RFWD3: variants seen among roughly 807,000 people sequenced by gnomAD.
RFWD3 encodes the protein E3 ubiquitin-protein ligase RFWD3.
RFWD3 carries 65 observed loss-of-function variants against 87.7 expected under a neutral mutation model. The observed-to-expected ratio is 0.74, with a 90% CI of 0.61 to 0.91. The LOEUF is 0.91. Among genes scored for constraint, RFWD3 ranks in the 40% least tolerant of loss-of-function variants. The probability of loss-of-function intolerance (pLI) is 0.00; values close to 1 mark genes in which losing one functional copy is unlikely to be tolerated. For missense variants in RFWD3, 1,078 were observed against 938.5 expected, an observed-to-expected ratio of 1.15 and a Z score of -1.94; for synonymous variants, 433 against 352.8, an observed-to-expected ratio of 1.23 and a Z score of -2.55.
rs61457427 is a variant in RFWD3, at chr16:74,634,378, T to TTATA, written c.1427-1709_1427-1706dup. 3.1e-3 allele frequency among the ~76,000 whole-genome samples: 455 copies of TTATA among 147,712 alleles called. 1 individual carries two copies. Among genetic ancestry groups the TTATA allele is most frequent in the African/African-American group, 0.01 (402 of 40,108 alleles). The stretch of plus-strand genomic sequence containing the variant: ...TAACATTTATTTTTTACTAAGTACT[T>TTATA]TATATATATATATATATATATTTTG... On this transcript the variant is annotated intron_variant, in intron 8 of 12. Coordinates refer to ENST00000361070, the MANE Select transcript of RFWD3 (RefSeq NM_018124.4).
intron 6 of RFWD3, among the ~76,000 whole-genome samples, chr16:74,641,684 G>A (rs1959659448): frequency 6.6e-6 from 1 of 151,726 alleles, no homozygotes; most frequent in Non-Finnish European, 1.5e-5. Flanking sequence ...CAGCACTTTG[G>A]GAGTCCAAGG....
At chr16:74,641,001 G>GA (rs1363256068) in intron 6 of RFWD3, among the ~76,000 whole-genome samples, 2 of 151,766 alleles carry the variant, frequency 1.3e-5, no homozygotes, top group Non-Finnish European at 2.9e-5. Context: ...TTTTAAACAA[G>GA]AAAAGTTTAA....
At position 74,626,591 on chromosome 16, in the gene RFWD3, C is replaced by T. The variant is rs199873038; in HGVS notation, c.1970-37G>A. 434 of 1,562,368 alleles carry T rather than the reference C, an allele frequency of 2.8e-4. 1 individual carries two copies. The African/African-American group carries it at 4.4e-3, about 16-fold the overall frequency. On this transcript the variant is annotated intron_variant, in intron 11 of 12. Transcript: ENST00000361070. ...AGAAATCAGTGCTGCACCATGGGGA[C>T]GCTACACAAAAAATTAACCAAGTAC...
At chr16:74,633,135 G>A (rs1181180941) in intron 8 of RFWD3, among the ~76,000 whole-genome samples, 1 of 152,050 alleles carries the variant, frequency 6.6e-6, no homozygotes, top group Non-Finnish European at 1.5e-5. Context: ...AAATTAGCCA[G>A]GCGTGGTGGC....
intron 6 of RFWD3, among the ~76,000 whole-genome samples, chr16:74,640,808 G>A (rs887598284): frequency 2.0e-5 from 3 of 151,810 alleles, no homozygotes; most frequent in Admixed American, 6.6e-5. Flanking sequence ...GCGTGGTGGC[G>A]GGTGCCTGTA....
intron 10 of RFWD3, among the ~76,000 whole-genome samples, chr16:74,629,664 A>C (rs1215916216): frequency 6.8e-6 from 1 of 148,012 alleles, no homozygotes; most frequent in African/African-American, 2.4e-5. Flanking sequence ...ACTACCACCA[A>C]CAAAAAAAAA....
chr16:74,644,471 A>G lies in RFWD3; in HGVS notation c.988-18T>C. On this transcript the variant is annotated intron_variant, in intron 5 of 12. Coordinates refer to ENST00000361070, the MANE Select transcript of RFWD3 (RefSeq NM_018124.4). Reference sequence around the variant, plus strand: ...TTGTTGCACTAAAGAACCCAATAGGACATAATTAGAGTGGTTCTAGGAATC... The same window carrying G: ...TTGTTGCACTAAAGAACCCAATAGGGCATAATTAGAGTGGTTCTAGGAATC... 1.9e-6 allele frequency: 3 copies of G among 1,614,172 alleles called. No homozygotes were observed. The highest frequency in any genetic ancestry group is 2.5e-6 in the Non-Finnish European group (3 of 1,179,980).
At chr16:74,650,641 T>A (rs1960488658) in intron 3 of RFWD3, among the ~76,000 whole-genome samples, 1 of 152,080 alleles carries the variant, frequency 6.6e-6, no homozygotes, top group African/African-American at 2.4e-5. Context: ...GACTTTTCTA[T>A]CGTTCCTGCT....
Position 74,626,529 on chromosome 16 carries a change from A to G in RFWD3, c.1995T>C (p.Ser665=), listed in dbSNP as rs146995643. Residue 665 remains serine, a synonymous_variant, in exon 12 of 13, where the codon AGT becomes AGC. Coordinates refer to ENST00000361070, the MANE Select transcript of RFWD3 (RefSeq NM_018124.4). ...GTCGGTAGGACATTTCCATCAGCAC[A>G]CTTCGTATGGTGGTGTGATTTTTAT... ...RPDKNHTTIR[S]VLMEMSYRLD... is the part of the protein sequence containing the mutation. 1.2e-6 allele frequency: 2 copies of G among 1,613,994 alleles called. No individual in the cohort carries two copies. The highest frequency in any genetic ancestry group is 2.7e-5 in the African/African-American group (2 of 74,918).
chr16:74,663,674 C>T lies in RFWD3; in HGVS notation c.-2-2223G>A, dbSNP rs74613721. On this transcript the variant is annotated intron_variant, in intron 1 of 12. Transcript: ENST00000361070. ...TTAAGAAAGGATAAATTAACCAGGA[C>T]GACACAAATGCAAACAGGGTATGAT... 5.9e-4 allele frequency among the ~76,000 whole-genome samples: 90 copies of T among 152,228 alleles called. No homozygotes were observed. The East Asian group carries it at 0.013, about 23-fold the overall frequency.
chr16:74,632,107 T>A (rs755752682), intron 9 of RFWD3, among the ~76,000 whole-genome samples: 4 of 151,658 alleles, frequency 2.6e-5, no homozygotes, highest in Non-Finnish European at 4.4e-5. Context: ...AGAGCTAAGG[T>A]CGGCTGGGCG....
At chr16:74,638,420 T>C (rs764518765) in intron 6 of RFWD3, among the ~76,000 whole-genome samples, 11 of 151,842 alleles carry the variant, frequency 7.2e-5, no homozygotes, top group Non-Finnish European at 8.8e-5. Context: ...GAAAGACCAA[T>C]TAGAATTAAG....
chr16:74,648,162 C>G (rs1387835448), intron 4 of RFWD3, among the ~76,000 whole-genome samples: 1 of 152,046 alleles, frequency 6.6e-6, no homozygotes, highest in East Asian at 2.0e-4. Flanking sequence ...TCAACTGATA[C>G]TTAACCTTGT....
intron 11 of RFWD3, 116 bp downstream of exon 11, chr16:74,628,336 C>T (rs1958994623): frequency 3.3e-6 from 3 of 918,468 alleles, no homozygotes; most frequent in Non-Finnish European, 3.3e-6. Context: ...CTACAACACA[C>T]CTCGTTAGCC....
intron 1 of RFWD3, among the ~76,000 whole-genome samples, chr16:74,663,126 G>A (rs1033411610): frequency 1.3e-5 from 2 of 152,034 alleles, no homozygotes; most frequent in Non-Finnish European, 2.9e-5. Context: ...GGATGGTCTC[G>A]ATCCCCTGAC....
chr16:74,646,845 G>T (rs991475725), intron 4 of RFWD3, among the ~76,000 whole-genome samples: 1 of 152,170 alleles, frequency 6.6e-6, no homozygotes, highest in African/African-American at 2.4e-5. Flanking sequence ...GCCCGAAGCG[G>T]GCGGATCACC....
chr16:74,645,977 T>C (rs989234847), intron 4 of RFWD3, among the ~76,000 whole-genome samples: 3 of 151,240 alleles, frequency 2.0e-5, no homozygotes, highest in Admixed American at 6.6e-5. Context: ...CTCGATCTCC[T>C]GACCTCGCGA....
intron 3 of RFWD3, 34 bp downstream of exon 3, chr16:74,651,886 G>C (rs767271502): frequency 6.3e-7 from 1 of 1,589,400 alleles, no homozygotes; most frequent in Admixed American, 1.7e-5. Flanking sequence ...ATGGATGTTA[G>C]CCTTGTGAGT....
intron 1 of RFWD3, among the ~76,000 whole-genome samples, chr16:74,664,082 A>G (rs1961683011): frequency 6.6e-6 from 1 of 152,352 alleles, no homozygotes; most frequent in African/African-American, 2.4e-5. Context: ...AGTGGGAAAG[A>G]AAGTCTGCAA....
Sources: allele counts gnomAD v4.1 joint callset (sites outside exome capture counted in the v4.1 genomes callset), GRCh38; gene constraint gnomAD v4.1.1; transcripts MANE v1.5; gene names NCBI Gene and HGNC (gene_info 2026-07-23, HGNC 2026-07-21).